The following MYO18A variants were observed in gnomAD, a reference collection of about 807,000 sequenced individuals.
The protein encoded by MYO18A is unconventional myosin-XVIIIa.
In MYO18A, 78 loss-of-function variants were observed where a neutral mutation model predicts 235.8. The ratio of observed to expected loss-of-function variants is 0.33; its 90% CI spans 0.28 to 0.40. The LOEUF (loss-of-function observed/expected upper bound fraction) is 0.40. Among genes scored for constraint, MYO18A ranks in the 10% least tolerant of loss-of-function variants. MYO18A has a pLI of 1.00. For synonymous variants in MYO18A, 977 were observed against 1,077.8 expected (o/e 0.91, Z 1.83); for missense variants, 2,215 against 2,699.3 (o/e 0.82, Z 3.98).
chr17:29,144,500 G>C (rs2067806299), intron 2 of MYO18A, among the ~76,000 whole-genome samples: 1 of 152,170 alleles, frequency 6.6e-6, no homozygotes, highest in African/African-American at 2.4e-5. Flanking sequence ...TTGGCAGCCA[G>C]ACACACCTGG....
At position 29,111,420 on chromosome 17, in the gene MYO18A, T is replaced by C. The variant is rs368911698; in HGVS notation, c.2900+4A>G. 6.2e-7 allele frequency: 1 copy of C among 1,611,534 alleles called. No individual in the cohort carries two copies. Among genetic ancestry groups the C allele is most frequent in the African/African-American group, 1.3e-5 (1 of 74,888 alleles). On this transcript the variant is annotated splice_donor_region_variant and intron_variant, in intron 17 of 41. Coordinates refer to ENST00000527372, the MANE Select transcript of MYO18A (RefSeq NM_078471.4). The surrounding 1 kb of genome is among the most constrained non-coding windows in gnomAD (Gnocchi z 5.1). Reference sequence around the variant, plus strand: ...AACAGGGGCGGAGGGAGTGGTGGTCTTACTTCTGGGAGTCCTGCAGGAGCC... The same window carrying C: ...AACAGGGGCGGAGGGAGTGGTGGTCCTACTTCTGGGAGTCCTGCAGGAGCC...
rs2067127986 is a variant in MYO18A at position 29,118,572 on chromosome 17, C to A, written c.1830-132G>T. The A allele has an allele frequency of 5.1e-6, 4 of 781,646 alleles. No individual in the cohort carries two copies. The highest frequency in any genetic ancestry group is 8.4e-6 in the Non-Finnish European group (4 of 476,618). 48.4% of individuals were successfully genotyped at this position (781,646 alleles called of 1,614,324 possible). ...CTGCCCATCATCCCATCATCCCCAA[C>A]TGGCGGGCCAGCTGTCACTGCTTTC... On this transcript the variant is annotated intron_variant, in intron 8 of 41. Coordinates refer to ENST00000527372, the MANE Select transcript of MYO18A (RefSeq NM_078471.4). This position sits in a 1 kb window ranked among gnomAD's most constrained non-coding sequence, Gnocchi z 4.2.
intron 2 of MYO18A, 51 bp from the exon 3 acceptor site, chr17:29,122,304 A>G: frequency 6.5e-7 from 1 of 1,537,988 alleles, no homozygotes; most frequent in Non-Finnish European, 8.9e-7. Flanking sequence ...AGACAGGGAC[A>G]AGGACAGCCG....
intron 2 of MYO18A, among the ~76,000 whole-genome samples, chr17:29,162,093 C>G (rs1158044355): frequency 6.6e-6 from 1 of 152,168 alleles, no homozygotes; most frequent in Non-Finnish European, 1.5e-5. Flanking sequence ...TTGCTCGAGT[C>G]TGAGATGGCT....
In MYO18A at chr17:29,110,420, C is replaced by G. The variant is rs2066901431; in HGVS notation, c.3087+16G>C. ...GGGTCCCCAGGCCTGCCTGCTGGGA[C>G]CCGGCTGGCACTCACCACCTGTAGC... On this transcript the variant is annotated intron_variant, in intron 18 of 41. Transcript: ENST00000527372. 2 of 1,565,458 alleles carry G rather than the reference C, an allele frequency of 1.3e-6. No individual in the cohort carries two copies. Among genetic ancestry groups the G allele is most frequent in the Non-Finnish European group, 1.7e-6 (2 of 1,154,406 alleles).
At position 29,086,555 on chromosome 17, in the gene MYO18A, T is replaced by A; in HGVS notation, c.5735A>T (p.Glu1912Val). The change falls in exon 39 of 42, where the codon GAG (glutamate) becomes GTG (valine). Residue 1912 changes from glutamate to valine, a missense_variant. Coordinates refer to ENST00000527372, the MANE Select transcript of MYO18A (RefSeq NM_078471.4). ...AGCCTGCAGGCTCTGGTTAGCAGCC[T>A]CCAGGCTTTCTAGATCCATCTCCTA... is the stretch of plus-strand genomic sequence containing the variant. ...HELEMDLESL[E>V]AANQSLQADL... The A allele has an allele frequency of 6.2e-7, 1 of 1,613,308 alleles. No homozygotes were observed. The highest frequency in any genetic ancestry group is 8.5e-7 in the Non-Finnish European group (1 of 1,179,660).
intron 10 of MYO18A, 46 bp from the exon 11 acceptor site, chr17:29,116,501 T>G (rs779506151): frequency 1.5e-5 from 25 of 1,613,698 alleles, no homozygotes; most frequent in Non-Finnish European, 2.0e-5. Context: ...AAAAACAGTG[T>G]GTTAGCAAAC....
At chr17:29,124,043 A>T (rs1284495031) in intron 2 of MYO18A, among the ~76,000 whole-genome samples, 1 of 114,712 alleles carries the variant, frequency 8.7e-6, no homozygotes, top group Non-Finnish European at 1.8e-5. Flanking sequence ...GCGAGACTCC[A>T]TCTCAAAAAA....
In MYO18A at chr17:29,082,401, G is replaced by A; in HGVS notation, c.5935C>T (p.Arg1979Cys). The stretch of plus-strand genomic sequence containing the variant: ...AACCAGGACTTGACCCCGTCAACAC[G>A]GTCCTCCAGCTCCGAGTCCACATCA... ...DSDVDSELEDRVDGVKSWLSK... is the reference protein window; with the variant it reads ...DSDVDSELEDCVDGVKSWLSK... Residue 1979 changes from arginine (R) to cysteine (C), a missense_variant, in exon 41 of 42, where the codon CGT becomes TGT. By Grantham distance (180) the Arg-to-Cys change is radical (BLOSUM62 -3). Coordinates refer to ENST00000527372, the MANE Select transcript of MYO18A (RefSeq NM_078471.4). The A allele has an allele frequency of 2.5e-6, 4 of 1,613,748 alleles. No homozygotes were observed. Among genetic ancestry groups the A allele is most frequent in the Non-Finnish European group, 3.4e-6 (4 of 1,179,868 alleles).
At chr17:29,175,927 C>T (rs2068514324) in intron 1 of MYO18A, among the ~76,000 whole-genome samples, 1 of 151,980 alleles carries the variant, frequency 6.6e-6, no homozygotes, top group South Asian at 2.1e-4. Context: ...GGCGTGGTGG[C>T]GGGCGCCTGT....
rs745975862 is a variant in MYO18A at position 29,092,971 on chromosome 17, G to C, written c.4957C>G (p.Arg1653Gly). 233 of 1,613,450 alleles carry C rather than the reference G, an allele frequency of 1.4e-4. 1 individual carries two copies. Among genetic ancestry groups the C allele is most frequent in the Non-Finnish European group, 1.9e-4 (226 of 1,179,844 alleles). The part of the protein sequence containing the change: ...VNRRDFESEK[R>G]LRKDLKRTKA... ...GTGCGCTTCAGGTCCTTCCGCAGCC[G>C]CTTCTCTGACTCAAAGTCCCGCCGG... The change falls in exon 33 of 42, where the codon CGG becomes GGG. Residue 1653 changes from arginine to glycine, a missense_variant. By Grantham distance (125) the Arg-to-Gly change is moderately radical (BLOSUM62 -2). Transcript: ENST00000527372.
In MYO18A at chr17:29,125,653, T is replaced by A. The variant is rs892668742; in HGVS notation, c.1000-3400A>T. 4.6e-5 allele frequency among the ~76,000 whole-genome samples: 7 copies of A among 152,364 alleles called. No individual in the cohort carries two copies. In the East Asian group the frequency reaches 1.4e-3, roughly 29 times the overall value. On this transcript the variant is annotated intron_variant, in intron 2 of 41. Coordinates refer to ENST00000527372, the MANE Select transcript of MYO18A (RefSeq NM_078471.4). The surrounding 1 kb of genome is among the most constrained non-coding windows in gnomAD (Gnocchi z 5.1). Reference sequence around the variant, plus strand: ...GGACAATGTGGCCAGAGAAAGGGACTGGGCCCTGAGCGAGGAGGGGTGCCC... The same window carrying A: ...GGACAATGTGGCCAGAGAAAGGGACAGGGCCCTGAGCGAGGAGGGGTGCCC...
At chr17:29,123,437 C>T (rs1194087143) in intron 2 of MYO18A, among the ~76,000 whole-genome samples, 1 of 152,204 alleles carries the variant, frequency 6.6e-6, no homozygotes, top group Non-Finnish European at 1.5e-5. Context: ...TCCTGACCCC[C>T]TGGGTGAGAA....
intron 40 of MYO18A, among the ~76,000 whole-genome samples, chr17:29,083,947 A>G (rs1299595805): frequency 6.6e-6 from 1 of 152,258 alleles, no homozygotes; most frequent in Non-Finnish European, 1.5e-5. Context: ...GCGTTTCCAT[A>G]TAAATCTCCC....
chr17:29,176,494 C>T (rs2068531487), intron 1 of MYO18A: 1 of 151,742 alleles, frequency 6.6e-6, no homozygotes, highest in South Asian at 2.1e-4. Context: ...CCCACCCCCA[C>T]CCCCAGACCA....
In MYO18A at chr17:29,111,146, G is replaced by A. The variant is rs938986813; in HGVS notation, c.2900+278C>T. Among the ~76,000 whole-genome samples, 2 of 152,096 alleles carry A rather than the reference G, an allele frequency of 1.3e-5. No individual in the cohort carries two copies. Among genetic ancestry groups the A allele is most frequent in the African/African-American group, 2.4e-5 (1 of 41,404 alleles). On this transcript the variant is annotated intron_variant, in intron 17 of 41. Transcript: ENST00000527372. This position sits in a 1 kb window ranked among gnomAD's most constrained non-coding sequence, Gnocchi z 5.1. Reference sequence around the variant, plus strand: ...AAGAGTAGAACGGATGACAGGGCCCGTGGGGCTGGGGGTTCTAAGGCCGCT... The same window carrying A: ...AAGAGTAGAACGGATGACAGGGCCCATGGGGCTGGGGGTTCTAAGGCCGCT...
intron 41 of MYO18A, chr17:29,079,951 G>C: frequency 1.0e-6 from 1 of 985,986 alleles, no homozygotes; most frequent in Non-Finnish European, 1.2e-6. Context: ...CTTTCTTCTC[G>C]ACTTGGACTT....
chr17:29,111,625 G>A lies in MYO18A; in HGVS notation c.2741-42C>T, dbSNP rs764498800. Reference sequence around the variant, plus strand: ...CAAGATTTAGGTCGTCAGGGTACAGGCACAAAGTGACCCCCGCCCCCTCCC... The same window carrying A: ...CAAGATTTAGGTCGTCAGGGTACAGACACAAAGTGACCCCCGCCCCCTCCC... On this transcript the variant is annotated intron_variant, in intron 16 of 41. Coordinates refer to ENST00000527372, the MANE Select transcript of MYO18A (RefSeq NM_078471.4). This position sits in a 1 kb window ranked among gnomAD's most constrained non-coding sequence, Gnocchi z 5.1. 1.9e-6 allele frequency: 3 copies of A among 1,612,544 alleles called. No individual in the cohort carries two copies. The highest frequency in any genetic ancestry group is 2.2e-5 in the South Asian group (2 of 91,050).
intron 2 of MYO18A, among the ~76,000 whole-genome samples, chr17:29,163,358 G>A (rs2068214035): frequency 6.6e-6 from 1 of 152,182 alleles, no homozygotes; most frequent in Non-Finnish European, 1.5e-5. Flanking sequence ...CTTGTGGTAT[G>A]AGTCCCCACC....
Sources: allele counts gnomAD v4.1 joint callset (sites outside exome capture counted in the v4.1 genomes callset), GRCh38; gene constraint gnomAD v4.1.1; non-coding constraint Gnocchi (gnomAD v3.1); transcripts MANE v1.5; gene names NCBI Gene and HGNC (gene_info 2026-07-23, HGNC 2026-07-21).